The following HPGDS variants were observed in gnomAD, a reference collection of about 807,000 sequenced individuals.
The protein encoded by HPGDS is GST class-sigma.
A neutral mutation model predicts 23.1 loss-of-function variants in HPGDS; 26 were observed. The observed-to-expected ratio is 1.13, with a 90% confidence interval of 0.83 to 1.56. HPGDS has a LOEUF of 1.56. Ranked by LOEUF, HPGDS falls within the 40% of genes most tolerant of loss-of-function variation. The pLI, the probability that HPGDS is intolerant of heterozygous loss-of-function variation, is 0.00. For synonymous variants in HPGDS, 95 were observed against 77.9 expected (o/e 1.22, Z -1.16); for missense variants, 268 against 236.4 (o/e 1.13, Z -0.88).
At chr4:94,315,652 T>C (rs1342005908) in intron 3 of HPGDS, among the ~76,000 whole-genome samples, 1 of 152,208 alleles carries the variant, frequency 6.6e-6, no homozygotes, top group Non-Finnish European at 1.5e-5. Flanking sequence ...TAAGAAACTG[T>C]ATACTGACAG....
intron 5 of HPGDS, 61 bp downstream of exon 5, chr4:94,302,084 TA>T (rs949134378): frequency 1.2e-4 from 151 of 1,264,304 alleles, no homozygotes; most frequent in Admixed American, 2.4e-4. Context: ...AGTAAGTTTT[TA>T]TACTTCTATT....
intron 2 of HPGDS, among the ~76,000 whole-genome samples, chr4:94,330,090 T>A (rs768156091): frequency 1.3e-5 from 2 of 152,196 alleles, no homozygotes; most frequent in African/African-American, 2.4e-5. Context: ...GGAACTTGTT[T>A]GGAGGATACC....
At chr4:94,318,347 T>G (rs960028947) in intron 2 of HPGDS, among the ~76,000 whole-genome samples, 1 of 152,210 alleles carries the variant, frequency 6.6e-6, no homozygotes, top group Admixed American at 6.5e-5. Flanking sequence ...ATTTACATAT[T>G]GAGTTATGGT....
chr4:94,308,312 G>A (rs11941250), intron 4 of HPGDS, among the ~76,000 whole-genome samples: 1,588 of 152,132 alleles, frequency 0.01, 24 homozygotes, highest in African/African-American at 0.036. Context: ...TGCTTAACCT[G>A]TACTATCATA....
chr4:94,334,619 T>C lies in HPGDS; in HGVS notation c.11A>G (p.Tyr4Cys), dbSNP rs1470785870. The stretch of plus-strand genomic sequence containing the variant: ...CCTCATATTAAAATAAGTGAGTTTG[T>C]AGTTTGGCATGGTGCAATTCTGGAA... MPN[Y>C]KLTYFNMRGR... The change falls in exon 2 of 6, where the codon TAC becomes TGC. Residue 4 changes from tyrosine to cysteine, a missense_variant. Transcript: ENST00000295256. The C allele has an allele frequency of 1.2e-6, 2 of 1,612,910 alleles. No individual in the cohort carries two copies. Among genetic ancestry groups the C allele is most frequent in the East Asian group, 2.2e-5 (1 of 44,784 alleles).
intron 5 of HPGDS, 26 bp downstream of exon 5, chr4:94,302,120 T>A: frequency 6.5e-7 from 1 of 1,531,620 alleles, no homozygotes; most frequent in South Asian, 1.1e-5. Flanking sequence ...TTTGCTTGAA[T>A]TTTTTAAGAT....
At chr4:94,322,266 G>T (rs1265998943) in intron 2 of HPGDS, among the ~76,000 whole-genome samples, 4 of 152,226 alleles carry the variant, frequency 2.6e-5, no homozygotes, top group African/African-American at 4.8e-5. Context: ...TCAGGGTGAT[G>T]CTGGCCTCAT....
At chr4:94,338,353 A>C (rs1312903982) in intron 1 of HPGDS, among the ~76,000 whole-genome samples, 1 of 151,332 alleles carries the variant, frequency 6.6e-6, no homozygotes, top group African/African-American at 2.5e-5. Flanking sequence ...TGAACCTGGG[A>C]GGCAGAGGTT....
chr4:94,314,539 G>A (rs551648001), intron 3 of HPGDS, among the ~76,000 whole-genome samples: 1 of 152,312 alleles, frequency 6.6e-6, no homozygotes, highest in African/African-American at 2.4e-5. Context: ...TAAGGTATCA[G>A]TCTGCCCCTA....
chr4:94,337,761 C>A (rs2126046747), intron 1 of HPGDS, among the ~76,000 whole-genome samples: 1 of 152,290 alleles, frequency 6.6e-6, no homozygotes, highest in East Asian at 1.9e-4. Context: ...TACCAGTGTC[C>A]ACCTGTTGAA....
intron 3 of HPGDS, among the ~76,000 whole-genome samples, chr4:94,316,803 GT>G (rs1756406743): frequency 6.6e-6 from 1 of 152,232 alleles, no homozygotes; most frequent in African/African-American, 2.4e-5. Context: ...CTGACTCAAA[GT>G]TGCACAAAGT....
intron 1 of HPGDS, among the ~76,000 whole-genome samples, chr4:94,341,043 G>T (rs1721160688): frequency 6.6e-6 from 1 of 150,984 alleles, no homozygotes; most frequent in South Asian, 2.1e-4. Context: ...ACGTGGTTTC[G>T]CCATGTTGGC....
Position 94,318,190 on chromosome 4 carries a change from C to G in HPGDS, c.134-225G>C, listed in dbSNP as rs1247563810. On this transcript the variant is annotated intron_variant, in intron 2 of 5. Transcript: ENST00000295256. ...TTTAAAATTAGTGACAGAATTTGTTCTTAAGCTCAGGTTTATAGTGACACC... is the reference window on the plus strand; with the variant it reads ...TTTAAAATTAGTGACAGAATTTGTTGTTAAGCTCAGGTTTATAGTGACACC... 4.6e-5 allele frequency among the ~76,000 whole-genome samples: 7 copies of G among 152,024 alleles called. No individual in the cohort carries two copies. The South Asian group carries it at 6.2e-4, about 14-fold the overall frequency.
chr4:94,332,054 C>T (rs940298222), intron 2 of HPGDS, among the ~76,000 whole-genome samples: 1 of 152,096 alleles, frequency 6.6e-6, no homozygotes, highest in Non-Finnish European at 1.5e-5. Flanking sequence ...CCCTGCCCCA[C>T]AATCGTGTGC....
intron 3 of HPGDS, among the ~76,000 whole-genome samples, chr4:94,315,344 A>G (rs72886753): frequency 6.6e-6 from 1 of 152,360 alleles, no homozygotes; most frequent in African/African-American, 2.4e-5. Context: ...GTCTTTTGTT[A>G]ATACAAGCAA....
chr4:94,327,868 T>C (rs1756664603), intron 2 of HPGDS, among the ~76,000 whole-genome samples: 1 of 152,146 alleles, frequency 6.6e-6, no homozygotes, highest in African/African-American at 2.4e-5. Flanking sequence ...TCCAGGGATG[T>C]GGAGATGCAC....
intron 3 of HPGDS, among the ~76,000 whole-genome samples, chr4:94,313,441 T>C (rs1275087167): frequency 6.6e-6 from 1 of 152,238 alleles, no homozygotes; most frequent in Admixed American, 6.5e-5. Context: ...AAAATTCTTT[T>C]CTTTAAGAAT....
chr4:94,339,501 G>C (rs888485189), intron 1 of HPGDS, among the ~76,000 whole-genome samples: 25 of 152,020 alleles, frequency 1.6e-4, no homozygotes, highest in African/African-American at 5.1e-4. Context: ...GTTTATCAAA[G>C]AACACATAAA....
At chr4:94,326,434 C>G (rs1287744311) in intron 2 of HPGDS, among the ~76,000 whole-genome samples, 3 of 151,992 alleles carry the variant, frequency 2.0e-5, no homozygotes, top group African/African-American at 4.8e-5. Context: ...TTTGGTCTGA[C>G]TGGGTTATTT....
Sources: gnomAD v4.1 joint callset for allele counts (sites outside exome capture counted in the v4.1 genomes callset) on GRCh38, gnomAD v4.1.1 for gene constraint, MANE v1.5 for transcripts, NCBI Gene and HGNC (gene_info 2026-07-23, HGNC 2026-07-21) for gene names.